The following RERE variants were observed in gnomAD, a reference collection of about 807,000 sequenced individuals.
RERE encodes arginine-glutamic acid dipeptide repeats.
A neutral mutation model predicts 146.1 loss-of-function variants in RERE; 40 were observed. That is an observed-to-expected ratio of 0.27 (90% CI 0.21 to 0.36). The LOEUF is 0.36. RERE is among the 10% of genes least tolerant of loss of function. The probability of loss-of-function intolerance (pLI) is 1.00; values close to 1 mark genes in which losing one functional copy is unlikely to be tolerated. For missense variants in RERE, 1,933 were observed against 2,138.7 expected (o/e 0.90, Z 1.90); for synonymous variants, 1,003 against 866.0 (o/e 1.16, Z -2.78).
intron 1 of RERE, among the ~76,000 whole-genome samples, chr1:8,694,983 G>GGA (rs1639295166): frequency 8.0e-6 from 1 of 124,552 alleles, no homozygotes; most frequent in South Asian, 3.0e-4. Context: ...AGGGGGGGGG[G>GGA]GGAATGCTGG....
chr1:8,690,118 A>G (rs1639178809), intron 1 of RERE, among the ~76,000 whole-genome samples: 1 of 152,198 alleles, frequency 6.6e-6, no homozygotes, highest in Non-Finnish European at 1.5e-5. Flanking sequence ...GGGTGGCTTA[A>G]ACAGCAAAAA....
intron 4 of RERE, among the ~76,000 whole-genome samples, chr1:8,559,304 A>AAAAC (rs754733974): frequency 1.5e-5 from 2 of 130,096 alleles, no homozygotes; most frequent in East Asian, 2.4e-4. Flanking sequence ...AAAAAAAAAA[A>AAAAC]CAGAACAAAA....
intron 1 of RERE, among the ~76,000 whole-genome samples, chr1:8,717,130 T>C (rs1032784410): frequency 6.6e-6 from 1 of 152,218 alleles, no homozygotes; most frequent in African/African-American, 2.4e-5. Flanking sequence ...AAATAGATCA[T>C]CCAGCTTCAA....
chr1:8,716,388 T>C (rs1639765793), intron 1 of RERE, among the ~76,000 whole-genome samples: 1 of 151,968 alleles, frequency 6.6e-6, no homozygotes, highest in Non-Finnish European at 1.5e-5. Context: ...AAGGATCACT[T>C]GAGCCTGGGA....
intron 7 of RERE, among the ~76,000 whole-genome samples, chr1:8,532,181 A>G (rs1407693640): frequency 6.6e-6 from 1 of 152,232 alleles, no homozygotes; most frequent in Non-Finnish European, 1.5e-5. Flanking sequence ...AAATTTGGAC[A>G]TGCATATTTA....
chr1:8,432,089 C>A (rs1331818086), intron 11 of RERE, among the ~76,000 whole-genome samples: 1 of 152,170 alleles, frequency 6.6e-6, no homozygotes, highest in Non-Finnish European at 1.5e-5. Context: ...CCCCAACATT[C>A]CAGTTCTGGG....
At chr1:8,595,142 A>T (rs1646539883) in intron 4 of RERE, among the ~76,000 whole-genome samples, 1 of 150,696 alleles carries the variant, frequency 6.6e-6, no homozygotes, top group African/African-American at 2.4e-5. Flanking sequence ...CCTAGGTGAC[A>T]GAGCAAGACC....
In RERE at chr1:8,354,784, G is replaced by T; in HGVS notation, c.*303C>A. The T allele has an allele frequency of 2.5e-6, 1 of 400,866 alleles. No homozygotes were observed. Among genetic ancestry groups the T allele is most frequent in the Non-Finnish European group, 4.4e-6 (1 of 226,950 alleles). The allele number at this position is 400,866 out of a possible 1,614,324, so 24.8% of individuals were successfully genotyped here. On this transcript the variant is annotated 3_prime_UTR_variant, in exon 23 of 23. Transcript: ENST00000400908. The stretch of plus-strand genomic sequence containing the variant: ...ATTCTAGCACCTACTGAGAAATCAA[G>T]GAAAAGAAAACTAAAGCCAAACCCC...
intron 4 of RERE, among the ~76,000 whole-genome samples, chr1:8,600,353 T>C (rs1335582378): frequency 6.6e-6 from 1 of 152,216 alleles, no homozygotes; most frequent in African/African-American, 2.4e-5. Context: ...ATCTATCAAT[T>C]ACCATTTGCC....
At chr1:8,437,155 C>A (rs1383097590) in intron 11 of RERE, among the ~76,000 whole-genome samples, 1 of 152,210 alleles carries the variant, frequency 6.6e-6, no homozygotes, top group African/African-American at 2.4e-5. Context: ...TGCCCCACTT[C>A]CCAAACAAGG....
chr1:8,755,167 G>A (rs1351259667), intron 1 of RERE, among the ~76,000 whole-genome samples: 1 of 152,190 alleles, frequency 6.6e-6, no homozygotes, highest in Non-Finnish European at 1.5e-5. Flanking sequence ...CATAAAAGGC[G>A]GCTGACTGTC....
intron 9 of RERE, among the ~76,000 whole-genome samples, chr1:8,496,510 AG>A (rs1214147500): frequency 1.3e-5 from 2 of 150,058 alleles, no homozygotes; most frequent in African/African-American, 2.4e-5. Context: ...CAAAAAAAAA[AG>A]AAAAAAAGAA....
intron 12 of RERE, among the ~76,000 whole-genome samples, chr1:8,389,950 G>A (rs969941860): frequency 3.3e-5 from 5 of 152,162 alleles, no homozygotes; most frequent in African/African-American, 1.2e-4. Flanking sequence ...CAATCTCTCT[G>A]TGGACCTGTC....
intron 11 of RERE, among the ~76,000 whole-genome samples, chr1:8,436,083 G>C (rs1317615829): frequency 6.6e-6 from 1 of 152,212 alleles, no homozygotes; most frequent in Non-Finnish European, 1.5e-5. Flanking sequence ...CACTTTGGGA[G>C]GCTGAGGCAG....
At chr1:8,478,368 A>G (rs1343442926) in intron 10 of RERE, among the ~76,000 whole-genome samples, 3 of 152,202 alleles carry the variant, frequency 2.0e-5, no homozygotes, top group Non-Finnish European at 1.5e-5. Context: ...AAAAGTAAAG[A>G]AAGAAGAAAA....
At chr1:8,625,355 C>T (rs1274336735) in intron 2 of RERE, among the ~76,000 whole-genome samples, 2 of 152,138 alleles carry the variant, frequency 1.3e-5, no homozygotes, top group Admixed American at 6.6e-5. Context: ...CTCCTCCTAC[C>T]CCCATATCAC....
chr1:8,433,824 T>G (rs946844203), intron 11 of RERE, among the ~76,000 whole-genome samples: 4 of 151,450 alleles, frequency 2.6e-5, no homozygotes, highest in Non-Finnish European at 4.4e-5. Flanking sequence ...CCTCCCAAAG[T>G]GCTGGGATTA....
chr1:8,525,192 A>C (rs1182334452), intron 7 of RERE, among the ~76,000 whole-genome samples: 1 of 152,228 alleles, frequency 6.6e-6, no homozygotes, highest in African/African-American at 2.4e-5. Context: ...TTATTGTTGC[A>C]ATCATAATTC....
At chr1:8,442,204 G>A (rs1644258508) in intron 11 of RERE, among the ~76,000 whole-genome samples, 1 of 151,996 alleles carries the variant, frequency 6.6e-6, no homozygotes, top group Admixed American at 6.6e-5. Context: ...GGCCACCATG[G>A]CGAAATCCTG....
Sources: gnomAD v4.1 joint callset for allele counts (sites outside exome capture counted in the v4.1 genomes callset) on GRCh38, gnomAD v4.1.1 for gene constraint, MANE v1.5 for transcripts, NCBI Gene and HGNC (gene_info 2026-07-23, HGNC 2026-07-21) for gene names.